CCR3: variants seen among roughly 807,000 people sequenced by gnomAD.
CCR3 encodes the protein C-C chemokine receptor type 3.
For missense variants in CCR3, 419 were observed against 437.5 expected (o/e 0.96, Z 0.38); for synonymous variants, 203 against 179.2 (o/e 1.13, Z -1.06).
chr3:46,220,339 T>C (rs1699822063), intron 2 of CCR3, among the ~76,000 whole-genome samples: 1 of 151,992 alleles, frequency 6.6e-6, no homozygotes, highest in Non-Finnish European at 1.5e-5. Flanking sequence ...CAAAAAATAA[T>C]AGATAATAAT....
At chr3:46,262,283 CAG>C (rs1189702087) in intron 1 of CCR3, among the ~76,000 whole-genome samples, 1 of 152,214 alleles carries the variant, frequency 6.6e-6, no homozygotes, top group Non-Finnish European at 1.5e-5. Context: ...AAGCTGGTAA[CAG>C]AGACCAAAAT....
At chr3:46,211,091 G>A (rs1271170532) in intron 2 of CCR3, among the ~76,000 whole-genome samples, 2 of 151,954 alleles carry the variant, frequency 1.3e-5, no homozygotes, top group East Asian at 1.9e-4. Context: ...AATGGTTCTC[G>A]AATTTGAATA....
At chr3:46,220,455 G>A (rs1389875516) in intron 2 of CCR3, among the ~76,000 whole-genome samples, 1 of 152,126 alleles carries the variant, frequency 6.6e-6, no homozygotes, top group Non-Finnish European at 1.5e-5. Context: ...ATTCCTTAAA[G>A]AACCAAAAGT....
At chr3:46,215,739 A>G (rs1382274757) in intron 2 of CCR3, among the ~76,000 whole-genome samples, 1 of 152,216 alleles carries the variant, frequency 6.6e-6, no homozygotes, top group Non-Finnish European at 1.5e-5. Flanking sequence ...TAGAGAAATG[A>G]GTTGGAGTCT....
At chr3:46,249,259 AT>A (rs1700260132) in intron 1 of CCR3, among the ~76,000 whole-genome samples, 1 of 152,118 alleles carries the variant, frequency 6.6e-6, no homozygotes, top group African/African-American at 2.4e-5. Context: ...GAAGCAGATA[AT>A]TTGGTTAAAA....
intron 2 of CCR3, among the ~76,000 whole-genome samples, chr3:46,226,966 G>A (rs1479235039): frequency 2.0e-5 from 3 of 152,014 alleles, no homozygotes; most frequent in Admixed American, 1.3e-4. Flanking sequence ...CTGCTGCCCA[G>A]GTTCAAGCGA....
At chr3:46,247,425 C>A (rs1402036253) in intron 1 of CCR3, among the ~76,000 whole-genome samples, 3 of 152,134 alleles carry the variant, frequency 2.0e-5, no homozygotes. Context: ...GGTCTGACTT[C>A]TGAGAAGGGA....
intron 2 of CCR3, among the ~76,000 whole-genome samples, chr3:46,218,296 T>C (rs917155343): frequency 1.3e-5 from 2 of 150,736 alleles, no homozygotes; most frequent in African/African-American, 4.9e-5. Flanking sequence ...AACAGACCAA[T>C]AACAAGCAGC....
chr3:46,222,128 C>T (rs566364603), intron 2 of CCR3, among the ~76,000 whole-genome samples: 17 of 152,302 alleles, frequency 1.1e-4, no homozygotes, highest in African/African-American at 4.1e-4. Context: ...ATCAAAGGAC[C>T]CATGTCTGAA....
chr3:46,249,036 T>C (rs1469488675), intron 1 of CCR3, among the ~76,000 whole-genome samples: 1 of 152,156 alleles, frequency 6.6e-6, no homozygotes, highest in Non-Finnish European at 1.5e-5. Context: ...TTTTAAAGCG[T>C]GCTGTGGGAT....
upstream of CCR3, among the ~76,000 whole-genome samples, chr3:46,241,983 A>G (rs41372645): frequency 0.011 from 1,741 of 152,196 alleles, 41 homozygotes; most frequent in African/African-American, 0.039. Context: ...AAATACAAAA[A>G]TTAGCCAGGC....
At position 46,265,817 on chromosome 3, in the gene CCR3, C is replaced by G. The variant is rs1166239604; in HGVS notation, c.659C>G (p.Thr220Arg). The G allele has an allele frequency of 6.2e-7, 1 of 1,613,976 alleles. No individual in the cohort carries two copies. Among genetic ancestry groups the G allele is most frequent in the Non-Finnish European group, 8.5e-7 (1 of 1,179,986 alleles). Reference sequence around the variant, plus strand: ...CTGCTCGTTATGGCCATCTGCTACACAGGAATCATCAAAACGCTGCTGAGG... The same window carrying G: ...CTGCTCGTTATGGCCATCTGCTACAGAGGAATCATCAAAACGCTGCTGAGG... The part of the protein sequence containing the change: ...LPLLVMAICY[T>R]GIIKTLLRCP... Residue 220 changes from threonine to arginine, a missense_variant, in exon 2 of 2, where the codon ACA (threonine) becomes AGA (arginine). Physicochemically the swap from Thr to Arg is moderately conservative, Grantham distance 71. Transcript: ENST00000395940.
chr3:46,245,318 C>A (rs1700169184), intron 1 of CCR3, among the ~76,000 whole-genome samples: 1 of 149,530 alleles, frequency 6.7e-6, no homozygotes, highest in African/African-American at 2.5e-5. Flanking sequence ...AAAGTTCTTC[C>A]CCATGTGTGG....
intron 1 of CCR3, among the ~76,000 whole-genome samples, chr3:46,244,484 A>G (rs1559531624): frequency 6.6e-6 from 1 of 152,290 alleles, no homozygotes; most frequent in South Asian, 2.1e-4. Context: ...GAAGGGAGAT[A>G]AGGGTGGGGC....
chr3:46,253,719 G>A (rs1291739535), intron 1 of CCR3, among the ~76,000 whole-genome samples: 1 of 152,008 alleles, frequency 6.6e-6, no homozygotes, highest in Non-Finnish European at 1.5e-5. Context: ...GAGTATTTTT[G>A]TTCTACTTTT....
intron 2 of CCR3, among the ~76,000 whole-genome samples, chr3:46,218,646 C>T (rs779835934): frequency 9.2e-5 from 14 of 152,242 alleles, no homozygotes; most frequent in Non-Finnish European, 1.6e-4. Context: ...AAGTGGATTT[C>T]ATACCAGGGA....
chr3:46,251,661 G>T (rs1295214301), intron 1 of CCR3, among the ~76,000 whole-genome samples: 1 of 152,174 alleles, frequency 6.6e-6, no homozygotes, highest in African/African-American at 2.4e-5. Flanking sequence ...GAGCAACATG[G>T]CTGTTTATTT....
chr3:46,210,798 G>C (rs200083837), exon 2 of CCR3: 1 of 150,760 alleles, frequency 6.6e-6, no homozygotes, highest in South Asian at 2.3e-4. Flanking sequence ...GAACTGAGGA[G>C]CCAGAGGCCA....
chr3:46,249,327 A>G (rs1700261096), intron 1 of CCR3, among the ~76,000 whole-genome samples: 1 of 152,118 alleles, frequency 6.6e-6, no homozygotes, highest in Non-Finnish European at 1.5e-5. Flanking sequence ...AGAGTGCATA[A>G]AAGAGTATTG....
Sources: allele counts gnomAD v4.1 joint callset (sites outside exome capture counted in the v4.1 genomes callset), GRCh38; gene constraint gnomAD v4.1.1; transcripts MANE v1.5; gene names NCBI Gene and HGNC (gene_info 2026-07-23, HGNC 2026-07-21).